MCTP1: variants seen among roughly 807,000 people sequenced by gnomAD.
The protein encoded by MCTP1 is multiple C2 and transmembrane domain containing 1.
A neutral mutation model predicts 120.6 loss-of-function variants in MCTP1; 69 were observed. The ratio of observed to expected loss-of-function variants is 0.57; its 90% CI spans 0.47 to 0.70. MCTP1 has a LOEUF of 0.70. Among genes scored for constraint, MCTP1 ranks in the 30% least tolerant of loss-of-function variants. The pLI, the probability that MCTP1 is intolerant of heterozygous loss-of-function variation, is 0.00. For missense variants in MCTP1, 1,203 were observed against 1,248.8 expected (o/e 0.96, Z 0.55); for synonymous variants, 529 against 493.1 (o/e 1.07, Z -0.96).
chr5:94,779,123 T>G lies in MCTP1; in HGVS notation c.2597A>C (p.Asp866Ala), dbSNP rs1358640966. Residue 866 changes from aspartate (D) to alanine (A), a missense_variant, in exon 19 of 23, where the codon GAC becomes GCC. Asp to Ala is a moderately radical substitution (Grantham distance 126, BLOSUM62 -2). This residue lies in a region of MCTP1 where 740 missense variants were observed against 871.1 expected (regional missense o/e 0.85). Transcript: ENST00000515393. Reference sequence around the variant, plus strand: ...AAAGATAATTACCTTGTCATCTTTGTCATCTTCTTCTTCCTCGTCCTCTAG... The same window carrying G: ...AAAGATAATTACCTTGTCATCTTTGGCATCTTCTTCTTCCTCGTCCTCTAG... ...DMLEDEEEED[D>A]KDDKDSEKKG... The G allele has an allele frequency of 2.5e-6, 4 of 1,613,538 alleles. No individual in the cohort carries two copies. In the African/African-American group the frequency reaches 5.3e-5, roughly 22 times the overall value.
At chr5:95,151,705 T>C (rs1409518528) in intron 1 of MCTP1, among the ~76,000 whole-genome samples, 1 of 152,210 alleles carries the variant, frequency 6.6e-6, no homozygotes, top group African/African-American at 2.4e-5. Context: ...CTCTCTGACT[T>C]TGCTATTAAG....
intron 6 of MCTP1, chr5:94,930,692 T>C (rs1237833778): frequency 6.6e-6 from 1 of 152,200 alleles, no homozygotes; most frequent in Non-Finnish European, 1.5e-5. Flanking sequence ...TGAAAGAATA[T>C]TGTTACATAT....
chr5:95,163,977 A>G (rs1052198808), intron 1 of MCTP1, among the ~76,000 whole-genome samples: 3 of 152,194 alleles, frequency 2.0e-5, no homozygotes, highest in African/African-American at 7.2e-5. Context: ...CTGTAATGCC[A>G]ATCAACTTTT....
Position 94,853,271 on chromosome 5 carries a change from A to G in MCTP1, c.2436+15062T>C, listed in dbSNP as rs1010938584. Among the ~76,000 whole-genome samples the G allele has an allele frequency of 2.6e-5, 4 of 151,980 alleles. No homozygotes were observed. The South Asian group carries it at 6.2e-4, about 24-fold the overall frequency. Reference sequence around the variant, plus strand: ...TATATTCTTACATTGAATTCAGCCTACAAATCTAAATCACAAAGACTTGGT... The same window carrying G: ...TATATTCTTACATTGAATTCAGCCTGCAAATCTAAATCACAAAGACTTGGT... On this transcript the variant is annotated intron_variant, in intron 17 of 22. Coordinates refer to ENST00000515393, the MANE Select transcript of MCTP1 (RefSeq NM_024717.7).
chr5:94,941,924 CAA>C (rs769845090), intron 4 of MCTP1, among the ~76,000 whole-genome samples: 7 of 151,986 alleles, frequency 4.6e-5, no homozygotes, highest in Non-Finnish European at 7.4e-5. Context: ...GCTCGAGTGA[CAA>C]GAGAGTTGCT....
intron 17 of MCTP1, among the ~76,000 whole-genome samples, chr5:94,819,197 C>T (rs571592417): frequency 2.6e-5 from 4 of 152,002 alleles, no homozygotes; most frequent in Admixed American, 6.6e-5. Flanking sequence ...GGCACGATCT[C>T]GGCTCACTGA....
intron 1 of MCTP1, among the ~76,000 whole-genome samples, chr5:95,158,780 A>G (rs533071377): frequency 4.4e-4 from 67 of 152,068 alleles, no homozygotes; most frequent in Middle Eastern, 3.4e-3. Flanking sequence ...ACCAAAAAAA[A>G]AAAAAAAAAT....
At chr5:95,008,025 T>C (rs1217328462) in intron 2 of MCTP1, among the ~76,000 whole-genome samples, 1 of 152,192 alleles carries the variant, frequency 6.6e-6, no homozygotes, top group Non-Finnish European at 1.5e-5. Context: ...ATTTCTACCC[T>C]GCCTAAACTT....
chr5:95,279,336 TCATGATAATG>T (rs1760124650), intron 1 of MCTP1, among the ~76,000 whole-genome samples: 1 of 152,224 alleles, frequency 6.6e-6, no homozygotes, highest in Non-Finnish European at 1.5e-5. Flanking sequence ...TATTCATTCT[TCATGATAATG>T]CATACATACT....
At chr5:94,874,477 T>C (rs1182985229) in intron 12 of MCTP1, among the ~76,000 whole-genome samples, 3 of 152,136 alleles carry the variant, frequency 2.0e-5, no homozygotes, top group African/African-American at 7.2e-5. Flanking sequence ...ATTTAATATG[T>C]GTGTGTTAGT....
Position 94,999,745 on chromosome 5 carries a change from A to G in MCTP1, c.838+17622T>C, listed in dbSNP as rs116518326. ...TTCATAGTGGAAACATCATTCTCAG[A>G]ATCTCTTTAAGAAATTGGAGCAGTA... On this transcript the variant is annotated intron_variant, in intron 2 of 22. Coordinates refer to ENST00000515393, the MANE Select transcript of MCTP1 (RefSeq NM_024717.7). 2.9e-3 allele frequency among the ~76,000 whole-genome samples: 437 copies of G among 152,312 alleles called. 2 individuals carry two copies. Among genetic ancestry groups the G allele is most frequent in the African/African-American group, 9.9e-3 (410 of 41,574 alleles).
At chr5:94,871,555 G>A in intron 13 of MCTP1, 138 bp from the exon 14 acceptor site, 1 of 631,554 alleles carries the variant, frequency 1.6e-6, no homozygotes, top group Admixed American at 2.6e-5. Context: ...ACATATACAA[G>A]GTAGCTTGGT....
chr5:94,839,319 A>G (rs1209304278), intron 17 of MCTP1, among the ~76,000 whole-genome samples: 3 of 152,162 alleles, frequency 2.0e-5, no homozygotes, highest in Non-Finnish European at 4.4e-5. Flanking sequence ...GCTTATGTAT[A>G]CATCACATTA....
In MCTP1 at chr5:95,009,931, C is replaced by T. The variant is rs140046740; in HGVS notation, c.838+7436G>A. ...GGCAGCTCTGGCTGCTGAGCCACTT[C>T]AGTGCCCGTTACGTAGAAATGAGAT... On this transcript the variant is annotated intron_variant, in intron 2 of 22. Transcript: ENST00000515393. Among the ~76,000 whole-genome samples, 1,092 of 152,308 alleles carry T rather than the reference C, an allele frequency of 7.2e-3. 5 individuals carry two copies. The highest frequency in any genetic ancestry group is 0.019 in the South Asian group (92 of 4,828).
At chr5:94,812,176 G>T (rs1313787021) in intron 17 of MCTP1, among the ~76,000 whole-genome samples, 1 of 152,052 alleles carries the variant, frequency 6.6e-6, no homozygotes, top group Admixed American at 6.5e-5. Flanking sequence ...TATTAAGCAG[G>T]CATTAATCGT....
intron 17 of MCTP1, among the ~76,000 whole-genome samples, chr5:94,828,814 C>A (rs1222073235): frequency 6.6e-6 from 1 of 152,138 alleles, no homozygotes; most frequent in Non-Finnish European, 1.5e-5. Context: ...GCTTGAGGGT[C>A]CCAGATCGAC....
intron 19 of MCTP1, among the ~76,000 whole-genome samples, chr5:94,719,887 T>C (rs928385563): frequency 3.3e-5 from 5 of 152,128 alleles, no homozygotes; most frequent in Non-Finnish European, 7.4e-5. Context: ...CCCAGCACTT[T>C]GGGAGGCCGA....
rs184042182 is a variant in MCTP1 at position 95,256,442 on chromosome 5, A to C, written c.720+27414T>G. The stretch of plus-strand genomic sequence containing the variant: ...TCCAACTGGGCTCAGCCATGGGAGG[A>C]GAGCTGGAAGGGAAAAGTCAGAGTA... On this transcript the variant is annotated intron_variant, in intron 1 of 22. Transcript: ENST00000515393. Among the ~76,000 whole-genome samples, 128 of 152,214 alleles carry C rather than the reference A, an allele frequency of 8.4e-4. 3 individuals are homozygous for C. The East Asian group carries it at 0.024, about 29-fold the overall frequency.
intron 2 of MCTP1, among the ~76,000 whole-genome samples, chr5:94,976,319 C>T (rs1316791956): frequency 4.6e-5 from 7 of 151,940 alleles, no homozygotes; most frequent in Admixed American, 2.0e-4. Context: ...GGTGTAGTGG[C>T]GGGCACCTGT....
Sources: gnomAD v4.1 joint callset for allele counts (sites outside exome capture counted in the v4.1 genomes callset) on GRCh38, gnomAD v4.1.1 for gene constraint, gnomAD v4.1.1 regional missense constraint, MANE v1.5 for transcripts, NCBI Gene and HGNC (gene_info 2026-07-23, HGNC 2026-07-21) for gene names.